The following KCNK1 variants were observed in gnomAD, a reference collection of about 807,000 sequenced individuals.
The protein encoded by KCNK1 is potassium channel subfamily K member 1.
A neutral mutation model predicts 22.2 loss-of-function variants in KCNK1; 10 were observed. The observed-to-expected ratio is 0.45, with a 90% CI of 0.28 to 0.76. The LOEUF (loss-of-function observed/expected upper bound fraction) is 0.76, where lower values mean the gene tolerates loss of function less well. KCNK1 is among the 30% of genes least tolerant of loss of function. The pLI, the probability that KCNK1 is intolerant of heterozygous loss-of-function variation, is 0.14. For missense variants in KCNK1, 378 were observed against 421.0 expected, an observed-to-expected ratio of 0.90 and a Z score of 0.89; for synonymous variants, 200 against 186.4, an observed-to-expected ratio of 1.07 and a Z score of -0.60.
At chr1:233,656,402 G>A (rs908458532) in intron 1 of KCNK1, among the ~76,000 whole-genome samples, 4 of 152,206 alleles carry the variant, frequency 2.6e-5, no homozygotes, top group Admixed American at 6.5e-5. Flanking sequence ...GCAGCAGGTC[G>A]TCTCAGTAGT....
chr1:233,638,302 A>G (rs1558112856), intron 1 of KCNK1, among the ~76,000 whole-genome samples: 1 of 152,138 alleles, frequency 6.6e-6, no homozygotes, highest in Non-Finnish European at 1.5e-5. Flanking sequence ...TGGTTTTATC[A>G]GGAAAAAAAT....
intron 1 of KCNK1, among the ~76,000 whole-genome samples, chr1:233,621,591 A>G (rs918356887): frequency 6.6e-6 from 1 of 152,220 alleles, no homozygotes; most frequent in Admixed American, 6.5e-5. Flanking sequence ...TCTACTTAAG[A>G]AGGCAGGGAA....
At chr1:233,667,857 C>T (rs968650927) in intron 2 of KCNK1, among the ~76,000 whole-genome samples, 1 of 151,574 alleles carries the variant, frequency 6.6e-6, no homozygotes, top group African/African-American at 2.4e-5. Context: ...TCGGATAGAG[C>T]GTGTTATCAA....
At chr1:233,638,274 C>A (rs1219493174) in intron 1 of KCNK1, among the ~76,000 whole-genome samples, 4 of 151,650 alleles carry the variant, frequency 2.6e-5, no homozygotes, top group Non-Finnish European at 5.9e-5. Flanking sequence ...TCCTGAGGTC[C>A]CACAAAGAAG....
At chr1:233,627,883 A>G (rs555076911) in intron 1 of KCNK1, among the ~76,000 whole-genome samples, 89 of 152,372 alleles carry the variant, frequency 5.8e-4, no homozygotes, top group African/African-American at 1.9e-3. Context: ...TTGCTCTTTC[A>G]GCAACTCTGG....
At position 233,667,679 on chromosome 1, in the gene KCNK1, G is replaced by A. The variant is rs1318206741; in HGVS notation, c.751+689G>A. ...CGGGAGGCGGAGCTTGCAGTGAGCCGAGATCGCGCCACTGCACTCCAGCCT... is the reference window on the plus strand; with the variant it reads ...CGGGAGGCGGAGCTTGCAGTGAGCCAAGATCGCGCCACTGCACTCCAGCCT... On this transcript the variant is annotated intron_variant, in intron 2 of 2. Coordinates refer to ENST00000366621, the MANE Select transcript of KCNK1 (RefSeq NM_002245.4). Among the ~76,000 whole-genome samples, 7 of 134,100 alleles carry A rather than the reference G, an allele frequency of 5.2e-5. No homozygotes were observed. The East Asian group carries it at 6.6e-4, about 13-fold the overall frequency. 88.0% of individuals were successfully genotyped at this position (134,100 alleles called of 152,430 possible).
intron 1 of KCNK1, among the ~76,000 whole-genome samples, chr1:233,625,622 TTAGGTGGTGA>T (rs1657675908): frequency 6.6e-6 from 1 of 151,996 alleles, no homozygotes; most frequent in Non-Finnish European, 1.5e-5. Flanking sequence ...GCACAGGATG[TTAGGTGGTGA>T]TAGGTGCTCA....
At chr1:233,670,966 T>A (rs1658586421) in intron 2 of KCNK1, among the ~76,000 whole-genome samples, 1 of 152,200 alleles carries the variant, frequency 6.6e-6, no homozygotes, top group African/African-American at 2.4e-5. Flanking sequence ...TGCAGTATGT[T>A]ATGTGTCTTT....
At chr1:233,656,902 G>A (rs1217840001) in intron 1 of KCNK1, among the ~76,000 whole-genome samples, 1 of 152,186 alleles carries the variant, frequency 6.6e-6, no homozygotes, top group East Asian at 1.9e-4. Context: ...ACAGGTGTGA[G>A]TCACCATGCC....
At chr1:233,656,752 G>A (rs1471825992) in intron 1 of KCNK1, among the ~76,000 whole-genome samples, 1 of 152,128 alleles carries the variant, frequency 6.6e-6, no homozygotes, top group Non-Finnish European at 1.5e-5. Flanking sequence ...CCGAATAGCT[G>A]GGACTACTGG....
At position 233,671,834 on chromosome 1, in the gene KCNK1, C is replaced by A; in HGVS notation, c.*304C>A. 3.4e-6 allele frequency: 1 copy of A among 292,958 alleles called. No individual in the cohort carries two copies. Among genetic ancestry groups the A allele is most frequent in the South Asian group, 6.1e-5 (1 of 16,322 alleles). 18.1% of individuals were successfully genotyped at this position (292,958 alleles called of 1,614,324 possible). On this transcript the variant is annotated 3_prime_UTR_variant, in exon 3 of 3. Coordinates refer to ENST00000366621, the MANE Select transcript of KCNK1 (RefSeq NM_002245.4). The stretch of plus-strand genomic sequence containing the variant: ...AGCAGTATGCTGCTGTGGTTAGAAG[C>A]AGATTTTATACTTTTAACTGGAAAC...
intron 1 of KCNK1, among the ~76,000 whole-genome samples, chr1:233,654,786 G>A (rs889287812): frequency 2.6e-5 from 4 of 152,184 alleles, no homozygotes; most frequent in African/African-American, 4.8e-5. Flanking sequence ...GGCACATTGG[G>A]AAAGAACACC....
intron 1 of KCNK1, among the ~76,000 whole-genome samples, chr1:233,627,839 T>A (rs1375528967): frequency 6.6e-6 from 1 of 152,160 alleles, no homozygotes; most frequent in Non-Finnish European, 1.5e-5. Context: ...CAAATTTCTG[T>A]TAGTAGTTGA....
At chr1:233,645,720 C>T (rs993848042) in intron 1 of KCNK1, among the ~76,000 whole-genome samples, 4 of 152,108 alleles carry the variant, frequency 2.6e-5, no homozygotes, top group African/African-American at 9.7e-5. Context: ...ACCAGTGTCT[C>T]ATAGGCTTGG....
intron 1 of KCNK1, among the ~76,000 whole-genome samples, chr1:233,640,538 T>C (rs1571896246): frequency 6.6e-6 from 1 of 152,244 alleles, no homozygotes; most frequent in Admixed American, 6.5e-5. Context: ...TCAAAAGTCA[T>C]TTTCATGTGA....
chr1:233,616,543 A>G (rs1397662301), intron 1 of KCNK1, among the ~76,000 whole-genome samples: 3 of 152,192 alleles, frequency 2.0e-5, no homozygotes, highest in Non-Finnish European at 4.4e-5. Context: ...TTCATGCAAA[A>G]CAAGTGTTCA....
intron 1 of KCNK1, among the ~76,000 whole-genome samples, chr1:233,627,542 G>C (rs1317943771): frequency 6.8e-6 from 1 of 147,772 alleles, no homozygotes; most frequent in Non-Finnish European, 1.5e-5. Flanking sequence ...GCCACCCAGT[G>C]CTCTGACACG....
chr1:233,664,076 C>T (rs1371695817), intron 1 of KCNK1, among the ~76,000 whole-genome samples: 14 of 152,090 alleles, frequency 9.2e-5, no homozygotes, highest in African/African-American at 3.1e-4. Flanking sequence ...GTGATCCGCC[C>T]GCCTCGCCCT....
chr1:233,652,770 T>C (rs1170149964), intron 1 of KCNK1, among the ~76,000 whole-genome samples: 1 of 152,246 alleles, frequency 6.6e-6, no homozygotes, highest in Non-Finnish European at 1.5e-5. Flanking sequence ...CCTGGTTTGG[T>C]TACTAGAACA....
Sources: gnomAD v4.1 joint callset for allele counts (sites outside exome capture counted in the v4.1 genomes callset) on GRCh38, gnomAD v4.1.1 for gene constraint, MANE v1.5 for transcripts, NCBI Gene and HGNC (gene_info 2026-07-23, HGNC 2026-07-21) for gene names.